The following RUNX2 variants were observed in gnomAD, a reference collection of about 807,000 sequenced individuals.
The protein encoded by RUNX2 is RUNX family transcription factor 2, also known as runt-related transcription factor 2.
Under a neutral mutation model 51.7 loss-of-function variants are expected in RUNX2, and 10 were observed. That is an observed-to-expected ratio of 0.19 (90% CI 0.12 to 0.33). The LOEUF (loss-of-function observed/expected upper bound fraction) is 0.33. Among genes scored for constraint, RUNX2 ranks in the 10% least tolerant of loss-of-function variants. RUNX2 has a pLI of 1.00. For synonymous variants in RUNX2, 276 were observed against 273.6 expected (o/e 1.01, Z -0.09); for missense variants, 562 against 691.3 (o/e 0.81, Z 2.10).
At chr6:45,523,608 C>G (rs1801574764) in intron 7 of RUNX2, among the ~76,000 whole-genome samples, 1 of 151,608 alleles carries the variant, frequency 6.6e-6, no homozygotes, top group Non-Finnish European at 1.5e-5. Flanking sequence ...GGTTTGTTAA[C>G]ATGCAGAAAT....
At chr6:45,357,402 T>G (rs1450989642) in intron 2 of RUNX2, among the ~76,000 whole-genome samples, 1 of 151,976 alleles carries the variant, frequency 6.6e-6, no homozygotes, top group Non-Finnish European at 1.5e-5. Flanking sequence ...AGGATCATGG[T>G]TCACTGCAGC....
rs555720589 is a variant in RUNX2 at position 45,549,065 on chromosome 6, G to A, written c.*1760G>A. ...GGGCTGTGGAGTTTGGTGTCTACTA[G>A]TGTGTATGAATTTGAGCTAGAGTCC... On this transcript the variant is annotated 3_prime_UTR_variant, in exon 9 of 9. Coordinates refer to ENST00000647337, the MANE Select transcript of RUNX2 (RefSeq NM_001024630.4). 1 of 398,378 alleles carries A rather than the reference G, an allele frequency of 2.5e-6. No individual in the cohort carries two copies. Among genetic ancestry groups the A allele is most frequent in the South Asian group, 1.3e-4 (1 of 7,444 alleles). 24.7% of individuals were successfully genotyped at this position (398,378 alleles called of 1,614,324 possible). A position where few individuals can be genotyped will look rare whatever the true frequency, so the allele number is the denominator to read the frequency against.
intron 7 of RUNX2, among the ~76,000 whole-genome samples, chr6:45,537,731 A>G (rs1802082637): frequency 6.6e-6 from 1 of 152,202 alleles, no homozygotes; most frequent in Non-Finnish European, 1.5e-5. Flanking sequence ...TTCCCAGCCC[A>G]TCATCAAGCA....
rs915815203 is a variant in RUNX2 at position 45,497,547 on chromosome 6, T to A, written c.859+5433T>A. Among the ~76,000 whole-genome samples, 6 of 152,206 alleles carry A rather than the reference T, an allele frequency of 3.9e-5. No individual in the cohort carries two copies. The South Asian group carries it at 1.2e-3, about 31-fold the overall frequency. The stretch of plus-strand genomic sequence containing the variant: ...TAGACACTCTTCCTTGTCTTGTTTT[T>A]CCAAACACATTTTTATTGTTTCTTC... On this transcript the variant is annotated intron_variant, in intron 6 of 8. Transcript: ENST00000647337.
chr6:45,494,013 C>T (rs975555343), intron 6 of RUNX2, among the ~76,000 whole-genome samples: 3 of 152,166 alleles, frequency 2.0e-5, no homozygotes, highest in Non-Finnish European at 2.9e-5. Context: ...TCTCTCAAGG[C>T]TTTGTCCTTA....
intron 7 of RUNX2, 118 bp downstream of exon 7, chr6:45,512,525 G>A: frequency 9.1e-7 from 1 of 1,100,462 alleles, no homozygotes; most frequent in Non-Finnish European, 1.4e-6. Context: ...ATGTGGGCAA[G>A]GGAATGACAA....
At position 45,333,220 on chromosome 6, in the gene RUNX2, A is replaced by G. The variant is rs34121752; in HGVS notation, c.58+4436A>G. Among the ~76,000 whole-genome samples, 487 of 151,708 alleles carry G rather than the reference A, an allele frequency of 3.2e-3. 13 individuals are homozygous for G. The highest frequency in any genetic ancestry group is 0.029 in the Admixed American group (435 of 15,168). On this transcript the variant is annotated intron_variant, in intron 2 of 8. Coordinates refer to ENST00000647337, the MANE Select transcript of RUNX2 (RefSeq NM_001024630.4). ...TGAAATTCACTGGATATATTTTTTG[A>G]TTAATGTGTTACGATTCAAAAAATA...
In RUNX2 at chr6:45,446,121, G is replaced by C. The variant is rs12662466; in HGVS notation, c.685+8070G>C. Among the ~76,000 whole-genome samples, 144 of 152,276 alleles carry C rather than the reference G, an allele frequency of 9.5e-4. 2 individuals are homozygous for C. The East Asian group carries it at 0.022, about 23-fold the overall frequency. ...TGGCATGCTGCAGCAAGGAGCTATG[G>C]CATTAACATCCTTTCATGGCAAATT... On this transcript the variant is annotated intron_variant, in intron 5 of 8. Transcript: ENST00000647337.
intron 2 of RUNX2, among the ~76,000 whole-genome samples, chr6:45,396,408 AT>A (rs1797582802): frequency 6.6e-6 from 1 of 152,106 alleles, no homozygotes; most frequent in Admixed American, 6.5e-5. Context: ...TTCCCATTTC[AT>A]TTATGCTCCC....
intron 5 of RUNX2, among the ~76,000 whole-genome samples, chr6:45,456,804 CACA>C (rs1184205807): frequency 6.6e-6 from 1 of 152,172 alleles, no homozygotes; most frequent in Non-Finnish European, 1.5e-5. Context: ...TTGATGACTT[CACA>C]ACAACTCTGT....
chr6:45,352,584 G>A (rs956674303), intron 2 of RUNX2, among the ~76,000 whole-genome samples: 1 of 151,964 alleles, frequency 6.6e-6, no homozygotes, highest in African/African-American at 2.4e-5. Context: ...ATTTATCCTA[G>A]GAACAAAGTA....
rs1798703431 is a variant in RUNX2, at chr6:45,437,014, C to A, written c.581-933C>A. ...TGTAACAGTTTGCAGTTTTGACTAT[C>A]TGACATGATTAACCGTTGCAAATCT... is the stretch of plus-strand genomic sequence containing the variant. On this transcript the variant is annotated intron_variant, in intron 4 of 8. Coordinates refer to ENST00000647337, the MANE Select transcript of RUNX2 (RefSeq NM_001024630.4). Among the ~76,000 whole-genome samples, 4 of 152,206 alleles carry A rather than the reference C, an allele frequency of 2.6e-5. No homozygotes were observed. The South Asian group carries it at 8.3e-4, about 31-fold the overall frequency.
intron 6 of RUNX2, among the ~76,000 whole-genome samples, chr6:45,496,337 C>T (rs762710896): frequency 1.3e-5 from 2 of 152,156 alleles, no homozygotes; most frequent in Admixed American, 1.3e-4. Flanking sequence ...TTAATGAGTG[C>T]GTATTATCTG....
At chr6:45,393,854 G>C (rs1014605917) in intron 2 of RUNX2, among the ~76,000 whole-genome samples, 4 of 152,064 alleles carry the variant, frequency 2.6e-5, no homozygotes, top group African/African-American at 9.7e-5. Flanking sequence ...ATGGCAGAAG[G>C]TGAATAGGGG....
intron 2 of RUNX2, among the ~76,000 whole-genome samples, chr6:45,330,824 A>C (rs1431966969): frequency 6.6e-6 from 1 of 151,876 alleles, no homozygotes; most frequent in Non-Finnish European, 1.5e-5. Context: ...TGAATAGAGA[A>C]CTTAACATCA....
chr6:45,502,096 G>T (rs1042542242), intron 6 of RUNX2, among the ~76,000 whole-genome samples: 4 of 152,098 alleles, frequency 2.6e-5, no homozygotes, highest in African/African-American at 9.7e-5. Flanking sequence ...TTAATCTAAG[G>T]AAAAACTTTT....
chr6:45,534,149 C>A (rs1163212090), intron 7 of RUNX2, among the ~76,000 whole-genome samples: 1 of 152,042 alleles, frequency 6.6e-6, no homozygotes, highest in African/African-American at 2.4e-5. Context: ...CCTGCCTGGG[C>A]CTCCCAAAGT....
chr6:45,479,078 G>T (rs1800038769), intron 5 of RUNX2, among the ~76,000 whole-genome samples: 1 of 152,106 alleles, frequency 6.6e-6, no homozygotes, highest in South Asian at 2.1e-4. Flanking sequence ...AGGGTTGTTA[G>T]TAGGATTTGT....
chr6:45,490,427 G>A (rs947559532), intron 5 of RUNX2, among the ~76,000 whole-genome samples: 6 of 152,164 alleles, frequency 3.9e-5, no homozygotes, highest in African/African-American at 9.7e-5. Context: ...ACGTTTGGCC[G>A]TGGAGACAGC....
Sources: allele counts gnomAD v4.1 joint callset (sites outside exome capture counted in the v4.1 genomes callset), GRCh38; gene constraint gnomAD v4.1.1; transcripts MANE v1.5; gene names NCBI Gene and HGNC (gene_info 2026-07-23, HGNC 2026-07-21).